KRTAP4-6: variants seen among roughly 807,000 people sequenced by gnomAD.
The protein encoded by KRTAP4-6 is keratin associated protein 4-6.
Under a neutral mutation model 3.6 loss-of-function variants are expected in KRTAP4-6, and 1 was observed. The ratio of observed to expected loss-of-function variants is 0.28; its 90% confidence interval spans 0.10 to 1.32. The LOEUF (loss-of-function observed/expected upper bound fraction) is 1.32. Among genes scored for constraint, KRTAP4-6 ranks in the 40% most tolerant of loss-of-function variants. The pLI is 0.45. For synonymous variants in KRTAP4-6, 97 were observed against 96.7 expected, an observed-to-expected ratio of 1.00 and a Z score of -0.02; for missense variants, 275 against 280.3, an observed-to-expected ratio of 0.98 and a Z score of 0.14.
exon 1 of KRTAP4-6, chr17:41,140,361 A>T (rs942778443): frequency 1.9e-6 from 3 of 1,612,768 alleles, no homozygotes; most frequent in South Asian, 2.2e-5. Context: ...CAGCAGCTGG[A>T]CACACAGCAG....
exon 1 of KRTAP4-6, chr17:41,139,971 G>A: frequency 1.2e-6 from 2 of 1,610,282 alleles, no homozygotes; most frequent in Non-Finnish European, 1.7e-6. Context: ...CCACAGACTG[G>A]ACGCAGGCAG....
Sources: gnomAD v4.1 joint callset for allele counts on GRCh38, gnomAD v4.1.1 for gene constraint, MANE v1.5 for transcripts, NCBI Gene and HGNC (gene_info 2026-07-23, HGNC 2026-07-21) for gene names.